The following RTN1 variants were observed in gnomAD, a reference collection of about 807,000 sequenced individuals.
RTN1 encodes reticulon-1.
A neutral mutation model predicts 65.5 loss-of-function variants in RTN1; 25 were observed. That is an observed-to-expected ratio of 0.38 (90% CI 0.28 to 0.53). RTN1 has a LOEUF of 0.53. RTN1 is among the 20% of genes least tolerant of loss of function. The pLI, the probability that RTN1 is intolerant of heterozygous loss-of-function variation, is 0.79. For synonymous variants in RTN1, 471 were observed against 447.6 expected (o/e 1.05, Z -0.66); for missense variants, 983 against 1,025.4 (o/e 0.96, Z 0.57).
Position 59,603,142 on chromosome 14 carries a change from A to C in RTN1, c.2230-19T>G. ...TCTGTGCCTACATAAAGAAAAAAAA[A>C]ATAATGAGCATATCCAAAGATGATG... On this transcript the variant is annotated intron_variant, in intron 7 of 8. Coordinates refer to ENST00000267484, the MANE Select transcript of RTN1 (RefSeq NM_021136.3). 6.2e-7 allele frequency: 1 copy of C among 1,612,272 alleles called. No individual in the cohort carries two copies. The highest frequency in any genetic ancestry group is 8.5e-7 in the Non-Finnish European group (1 of 1,179,388).
At chr14:59,675,782 C>G (rs12883159) in intron 3 of RTN1, among the ~76,000 whole-genome samples, 5,645 of 151,942 alleles carry the variant, frequency 0.037, 137 homozygotes, top group Non-Finnish European at 0.057. Flanking sequence ...TTTTTATTAT[C>G]CATTTTCACT....
At chr14:59,698,795 T>C (rs1337903561) in intron 3 of RTN1, among the ~76,000 whole-genome samples, 1 of 152,180 alleles carries the variant, frequency 6.6e-6, no homozygotes, top group Non-Finnish European at 1.5e-5. Flanking sequence ...AGAATCAAGC[T>C]AAAAATGTGC....
intron 2 of RTN1, among the ~76,000 whole-genome samples, chr14:59,742,446 A>C (rs1594714172): frequency 6.6e-6 from 1 of 152,196 alleles, no homozygotes; most frequent in Non-Finnish European, 1.5e-5. Flanking sequence ...AGAGACTTCC[A>C]GTATTTCAGC....
In RTN1 at chr14:59,766,582, T is replaced by C. The variant is rs1191730247; in HGVS notation, c.242-20101A>G. Among the ~76,000 whole-genome samples, 2 of 152,128 alleles carry C rather than the reference T, an allele frequency of 1.3e-5. No individual in the cohort carries two copies. The highest frequency in any genetic ancestry group is 2.9e-5 in the Non-Finnish European group (2 of 68,032). ...TTATCAGATGACCCCATGATAAGGTTTAAGAGTATTTTTAAAGTGAAAATG... is the reference window on the plus strand; with the variant it reads ...TTATCAGATGACCCCATGATAAGGTCTAAGAGTATTTTTAAAGTGAAAATG... On this transcript the variant is annotated intron_variant, in intron 1 of 8. Transcript: ENST00000267484. The surrounding 1 kb of genome is among the most constrained non-coding windows in gnomAD (Gnocchi z 4.4).
intron 3 of RTN1, among the ~76,000 whole-genome samples, chr14:59,620,601 T>C (rs1882229286): frequency 1.3e-5 from 2 of 152,264 alleles, no homozygotes; most frequent in Admixed American, 6.5e-5. Flanking sequence ...TACTTTTTAA[T>C]GTGGCTATTA....
chr14:59,830,759 T>C (rs990353692), intron 1 of RTN1, among the ~76,000 whole-genome samples: 1 of 152,200 alleles, frequency 6.6e-6, no homozygotes, highest in South Asian at 2.1e-4. Flanking sequence ...ATGAGGATGG[T>C]AATGGATTTA....
chr14:59,632,199 G>A (rs572654441), intron 3 of RTN1, among the ~76,000 whole-genome samples: 2 of 152,122 alleles, frequency 1.3e-5, no homozygotes, highest in Non-Finnish European at 2.9e-5. Flanking sequence ...GGGTGTCAGA[G>A]CTCCCACAGG....
chr14:59,747,871 C>T (rs1566710086), intron 1 of RTN1, among the ~76,000 whole-genome samples: 1 of 152,056 alleles, frequency 6.6e-6, no homozygotes, highest in Non-Finnish European at 1.5e-5. Context: ...GGTCTTAAGA[C>T]ACACCTGAAG....
intron 1 of RTN1, among the ~76,000 whole-genome samples, chr14:59,749,424 ATATCTATATATATC>A (rs1251202449): frequency 9.9e-6 from 1 of 101,298 alleles, no homozygotes; most frequent in African/African-American, 4.3e-5. Context: ...ATATATCTAT[ATATCTATATATATC>A]TATATCTATA....
At chr14:59,729,930 C>G (rs192080139) in intron 2 of RTN1, among the ~76,000 whole-genome samples, 24 of 152,352 alleles carry the variant, frequency 1.6e-4, no homozygotes, top group Admixed American at 6.5e-4. Flanking sequence ...TTTATACCCT[C>G]TGCTGCTTCT....
At chr14:59,799,108 C>G (rs1272739966) in intron 1 of RTN1, among the ~76,000 whole-genome samples, 2 of 152,098 alleles carry the variant, frequency 1.3e-5, no homozygotes, top group Non-Finnish European at 2.9e-5. Flanking sequence ...ATTTTAAACA[C>G]GTGATTCGCT....
At chr14:59,734,276 G>A (rs1055098543) in intron 2 of RTN1, among the ~76,000 whole-genome samples, 2 of 152,198 alleles carry the variant, frequency 1.3e-5, no homozygotes, top group Non-Finnish European at 2.9e-5. Flanking sequence ...ACAAAAATGA[G>A]AAAGAACCAA....
chr14:59,626,814 G>A (rs1045775972), intron 3 of RTN1, among the ~76,000 whole-genome samples: 1 of 152,322 alleles, frequency 6.6e-6, no homozygotes, highest in African/African-American at 2.4e-5. Context: ...CACCTGGCAC[G>A]TAGCTAATAT....
At chr14:59,804,706 C>A (rs182619628) in intron 1 of RTN1, among the ~76,000 whole-genome samples, 1 of 152,158 alleles carries the variant, frequency 6.6e-6, no homozygotes, top group Non-Finnish European at 1.5e-5. Context: ...AACTAGAAAG[C>A]CAGCCTCTGG....
intron 3 of RTN1, among the ~76,000 whole-genome samples, chr14:59,633,312 G>C (rs188722039): frequency 6.6e-6 from 1 of 151,894 alleles, no homozygotes; most frequent in Non-Finnish European, 1.5e-5. Flanking sequence ...GGTGGTAAGA[G>C]AAACATAAAT....
chr14:59,618,033 A>T (rs1882151894), intron 3 of RTN1, among the ~76,000 whole-genome samples: 1 of 152,012 alleles, frequency 6.6e-6, no homozygotes, highest in Non-Finnish European at 1.5e-5. Context: ...AGACAGCGAA[A>T]GAGATCTAAC....
rs1330690360 is a variant in RTN1, at chr14:59,749,388, ATATATCTATATATATC to A, written c.242-2923_242-2908del. ...TATATATCTATATATCTATATCTATATATATCTATATATATCTATATCTATATATATCTATATATCT... is the reference window on the plus strand; with the variant it reads ...TATATATCTATATATCTATATCTATATATATCTATATATATCTATATATCT... On this transcript the variant is annotated intron_variant, in intron 1 of 8. Transcript: ENST00000267484. Among the ~76,000 whole-genome samples, 7 of 47,112 alleles carry A rather than the reference ATATATCTATATATATC, an allele frequency of 1.5e-4. 1 individual carries two copies. The highest frequency in any genetic ancestry group is 3.1e-4 in the African/African-American group (2 of 6,380). The allele number at this position is 47,112 out of a possible 152,430, so 30.9% of individuals were successfully genotyped here.
chr14:59,599,506 A>G (rs1191820979), intron 8 of RTN1, among the ~76,000 whole-genome samples: 1 of 152,200 alleles, frequency 6.6e-6, no homozygotes, highest in Non-Finnish European at 1.5e-5. Flanking sequence ...CCAGACACAT[A>G]TTGGATGGAT....
intron 1 of RTN1, among the ~76,000 whole-genome samples, chr14:59,810,673 C>T (rs1342067786): frequency 6.6e-6 from 1 of 152,134 alleles, no homozygotes; most frequent in African/African-American, 2.4e-5. Context: ...AATATTGTGA[C>T]ATCGGTGGGG....
Sources: gnomAD v4.1 joint callset for allele counts (sites outside exome capture counted in the v4.1 genomes callset) on GRCh38, gnomAD v4.1.1 for gene constraint, Gnocchi (gnomAD v3.1) non-coding constraint, MANE v1.5 for transcripts, NCBI Gene and HGNC (gene_info 2026-07-23, HGNC 2026-07-21) for gene names.